MYO16: variants seen among roughly 807,000 people sequenced by gnomAD.
MYO16 encodes the protein myosin XVI, also known as unconventional myosin-XVI.
Under a neutral mutation model 205.3 loss-of-function variants are expected in MYO16, and 94 were observed. That is an observed-to-expected ratio of 0.46 (90% CI 0.39 to 0.54). MYO16 has a LOEUF of 0.54. MYO16 is among the 20% of genes least tolerant of loss of function. MYO16 has a pLI of 0.00. For synonymous variants in MYO16, 988 were observed against 954.0 expected (o/e 1.04, Z -0.66); for missense variants, 2,315 against 2,387.5 (o/e 0.97, Z 0.63).
At chr13:108,831,402 G>C (rs1876615174) in intron 9 of MYO16, among the ~76,000 whole-genome samples, 1 of 152,126 alleles carries the variant, frequency 6.6e-6, no homozygotes, top group African/African-American at 2.4e-5. Context: ...GAATTAAAAA[G>C]GACAGATTTC....
intron 23 of MYO16, among the ~76,000 whole-genome samples, chr13:109,045,184 C>T (rs1887001357): frequency 6.6e-6 from 1 of 152,150 alleles, no homozygotes; most frequent in Non-Finnish European, 1.5e-5. Flanking sequence ...CATAGGGAAG[C>T]CAAGCCTCTA....
intron 33 of MYO16, chr13:109,167,184 C>G (rs1484896219): frequency 6.6e-6 from 1 of 152,284 alleles, no homozygotes; most frequent in Non-Finnish European, 1.5e-5. Context: ...GACACCCCAG[C>G]ACTCTGTCAC....
intron 17 of MYO16, 80 bp downstream of exon 17, chr13:108,957,879 C>A: frequency 8.9e-7 from 1 of 1,128,192 alleles, no homozygotes; most frequent in Non-Finnish European, 1.3e-6. Context: ...AAAGCATTTA[C>A]TGAGCCCCTA....
At position 109,127,551 on chromosome 13, in the gene MYO16, G is replaced by T. The variant is rs1876324757; in HGVS notation, c.4051+1G>T. The stretch of plus-strand genomic sequence containing the variant: ...GCGGCCAGGGAAGCGGCCAACGAAG[G>T]TCAGCCCTGGGGAGGGACCCAGCCT... On this transcript the variant is annotated splice_donor_variant, in intron 31 of 34. Coordinates refer to ENST00000457511, the MANE Select transcript of MYO16 (RefSeq NM_001198950.3). LOFTEE classifies it high-confidence loss of function. This position sits in a 1 kb window ranked among gnomAD's most constrained non-coding sequence, Gnocchi z 4.2. 3 of 1,608,622 alleles carry T rather than the reference G, an allele frequency of 1.9e-6. No individual in the cohort carries two copies.
chr13:108,626,002 C>T (rs763749942), upstream of MYO16, among the ~76,000 whole-genome samples: 18 of 152,268 alleles, frequency 1.2e-4, no homozygotes, highest in South Asian at 6.2e-4. Context: ...GGAGCTGTGT[C>T]TCATGTATCC....
At chr13:108,579,807 T>C in the MYO16 span, among the ~76,000 whole-genome samples, 183 of 152,206 alleles carry the variant, frequency 1.2e-3, no homozygotes, top group Non-Finnish European at 2.3e-3. Context: ...GATAATTCTG[T>C]AGAAAAATAA....
At chr13:109,045,269 C>A (rs1887003492) in intron 23 of MYO16, among the ~76,000 whole-genome samples, 1 of 152,304 alleles carries the variant, frequency 6.6e-6, no homozygotes, top group East Asian at 1.9e-4. Context: ...CTTCTCTGTG[C>A]ACACACGGAT....
At chr13:109,173,118 G>C (rs1878987257) in intron 33 of MYO16, among the ~76,000 whole-genome samples, 1 of 152,148 alleles carries the variant, frequency 6.6e-6, no homozygotes, top group Admixed American at 6.5e-5. Context: ...GATGGCAAGA[G>C]GAAACCCAGT....
chr13:108,843,076 C>A (rs445439), intron 9 of MYO16, among the ~76,000 whole-genome samples: 1 of 151,712 alleles, frequency 6.6e-6, no homozygotes, highest in African/African-American at 2.4e-5. Context: ...AGAGTAGAAC[C>A]GTGGCTGCCA....
At chr13:109,142,217 C>T (rs1054831948) in intron 32 of MYO16, among the ~76,000 whole-genome samples, 81 of 152,212 alleles carry the variant, frequency 5.3e-4, no homozygotes, top group Non-Finnish European at 2.2e-4. Flanking sequence ...GCACAGATTC[C>T]TTTAATCACA....
At chr13:109,100,474 A>G (rs1594085891) in intron 27 of MYO16, among the ~76,000 whole-genome samples, 1 of 152,202 alleles carries the variant, frequency 6.6e-6, no homozygotes, top group Non-Finnish European at 1.5e-5. Context: ...AAAAATGGCT[A>G]CTGGATTAAT....
chr13:108,547,936 A>ACT, the MYO16 span, among the ~76,000 whole-genome samples: 2 of 152,194 alleles, frequency 1.3e-5, no homozygotes, highest in Non-Finnish European at 2.9e-5. Flanking sequence ...TCCAAAAGAC[A>ACT]GTGTGGTTTG....
the MYO16 span, among the ~76,000 whole-genome samples, chr13:108,574,078 T>C: frequency 0.033 from 5,000 of 152,132 alleles, 249 homozygotes; most frequent in African/African-American, 0.11. Flanking sequence ...GTCTCAAACT[T>C]CTGGGTTCAA....
intron 1 of MYO16, among the ~76,000 whole-genome samples, chr13:108,651,838 C>T (rs1047564496): frequency 1.3e-5 from 2 of 152,172 alleles, no homozygotes; most frequent in African/African-American, 4.8e-5. Context: ...ATGTTGCACA[C>T]ATGTAATTTC....
At chr13:108,500,221 GTTTTTTTTTTGTTTTTTTTGT>G in the MYO16 span, among the ~76,000 whole-genome samples, 4 of 17,408 alleles carry the variant, frequency 2.3e-4, no homozygotes, top group Admixed American at 8.9e-4. Context: ...TTTTTTTTTT[GTTTTTTTTTTGTTTTTTTTGT>G]TTTTTTTTTT....
chr13:108,974,292 T>C (rs1339023101), intron 20 of MYO16, among the ~76,000 whole-genome samples: 1 of 152,182 alleles, frequency 6.6e-6, no homozygotes, highest in Non-Finnish European at 1.5e-5. Flanking sequence ...ATTGATACAA[T>C]CAGGTAGCAC....
intron 34 of MYO16, among the ~76,000 whole-genome samples, chr13:109,197,239 C>T (rs1880198836): frequency 1.3e-5 from 2 of 152,144 alleles, no homozygotes; most frequent in Admixed American, 1.3e-4. Context: ...TAATAAGTTC[C>T]CAGAGCTTTC....
At chr13:109,014,231 C>G (rs1333381010) in intron 22 of MYO16, among the ~76,000 whole-genome samples, 6 of 152,158 alleles carry the variant, frequency 3.9e-5, no homozygotes, top group African/African-American at 1.4e-4. Flanking sequence ...GGAATCCTTT[C>G]CCCATTTCTT....
intron 4 of MYO16, among the ~76,000 whole-genome samples, chr13:108,729,658 T>C (rs1272985852): frequency 6.6e-6 from 1 of 152,200 alleles, no homozygotes; most frequent in African/African-American, 2.4e-5. Context: ...AATATTCATA[T>C]GGTTGTGCTT....
Sources: gnomAD v4.1 joint callset for allele counts (sites outside exome capture counted in the v4.1 genomes callset) on GRCh38, gnomAD v4.1.1 for gene constraint, Gnocchi (gnomAD v3.1) non-coding constraint, MANE v1.5 for transcripts, NCBI Gene and HGNC (gene_info 2026-07-23, HGNC 2026-07-21) for gene names.